CCDC144A: variants seen among roughly 807,000 people sequenced by gnomAD.
CCDC144A encodes the protein coiled-coil domain-containing protein 144A.
In CCDC144A, 41 loss-of-function variants were observed where a neutral mutation model predicts 143.8. The ratio of observed to expected loss-of-function variants is 0.29; its 90% CI spans 0.22 to 0.37. CCDC144A has a LOEUF of 0.37. Ranked by LOEUF, CCDC144A falls within the 10% of genes least tolerant of loss-of-function variation. The pLI, the probability that CCDC144A is intolerant of heterozygous loss-of-function variation, is 1.00. For missense variants in CCDC144A, 637 were observed against 1,488.8 expected, an observed-to-expected ratio of 0.43 and a Z score of 9.41; for synonymous variants, 242 against 517.9, an observed-to-expected ratio of 0.47 and a Z score of 7.23.
At chr17:16,755,403 A>C (rs533395404) in intron 12 of CCDC144A, among the ~76,000 whole-genome samples, 30 of 152,106 alleles carry the variant, frequency 2.0e-4, no homozygotes, top group African/African-American at 6.8e-4. Flanking sequence ...TACCTGCTCT[A>C]CCAGTGAGTC....
At chr17:16,773,296 A>G (rs1354939178) in intron 16 of CCDC144A, among the ~76,000 whole-genome samples, 1 of 151,918 alleles carries the variant, frequency 6.6e-6, no homozygotes, top group Non-Finnish European at 1.5e-5. Flanking sequence ...TAAAAAATAC[A>G]AAAGCTTGCC....
At chr17:16,667,431 G>A in the CCDC144A span, among the ~76,000 whole-genome samples, 1 of 151,944 alleles carries the variant, frequency 6.6e-6, no homozygotes, top group Non-Finnish European at 1.5e-5. Context: ...CGCGGCTGAA[G>A]GGACTGAGGG....
the CCDC144A span, chr17:16,684,214 G>A: frequency 4.3e-6 from 4 of 930,792 alleles, no homozygotes; most frequent in East Asian, 2.4e-5. Context: ...TGACCCAGGG[G>A]ATGGACATTC....
rs1911987632 is a variant in CCDC144A, at chr17:16,705,356, C to T, written c.621C>T (p.Asp207=). 2 of 768,280 alleles carry T rather than the reference C, an allele frequency of 2.6e-6. No homozygotes were observed. Among genetic ancestry groups the T allele is most frequent in the Non-Finnish European group, 4.5e-6 (2 of 446,012 alleles). 47.6% of individuals were successfully genotyped at this position (768,280 alleles called of 1,614,324 possible). Residue 207 remains aspartate (D), a synonymous_variant, in exon 3 of 17, where the codon GAC becomes GAT. Coordinates refer to ENST00000399273, the MANE Select transcript of CCDC144A (RefSeq NM_001382000.1). The part of the protein sequence containing the change: ...VLLSGNDTLH[D]LCQSQLPENK... ...TCTCAGGGAATGATACTCTCCATGA[C>T]CTGTGCCAATCACAGCTACCAGAAA...
intron 3 of CCDC144A, 166 bp downstream of exon 3, chr17:16,705,565 A>G (rs1401654032): frequency 3.2e-6 from 2 of 631,518 alleles, no homozygotes; most frequent in Non-Finnish European, 5.7e-6. Context: ...TTCTTCCTTT[A>G]ACCAAAGCAA....
chr17:16,681,478 C>T, the CCDC144A span, among the ~76,000 whole-genome samples: 3 of 152,070 alleles, frequency 2.0e-5, no homozygotes, highest in Non-Finnish European at 4.4e-5. Context: ...GGAGACAGAT[C>T]AGTGGAAAAG....
the CCDC144A span, among the ~76,000 whole-genome samples, chr17:16,682,454 G>A: frequency 6.6e-6 from 1 of 151,856 alleles, no homozygotes; most frequent in African/African-American, 2.4e-5. Flanking sequence ...GACGGTGCTG[G>A]GTGTAGTCTA....
At chr17:16,676,704 C>G in the CCDC144A span, among the ~76,000 whole-genome samples, 1 of 151,962 alleles carries the variant, frequency 6.6e-6, no homozygotes, top group South Asian at 2.1e-4. Flanking sequence ...TAAAAACACT[C>G]TGCACATTTC....
intron 2 of CCDC144A, among the ~76,000 whole-genome samples, chr17:16,701,806 G>A (rs1911751795): frequency 6.6e-6 from 1 of 151,000 alleles, no homozygotes; most frequent in Non-Finnish European, 1.5e-5. Flanking sequence ...GGGAAAAATG[G>A]CATCATGCAG....
chr17:16,682,884 T>TTTG, the CCDC144A span, among the ~76,000 whole-genome samples: 3 of 33,962 alleles, frequency 8.8e-5, no homozygotes, highest in Admixed American at 1.1e-3. Context: ...GGATTCTCTG[T>TTTG]TTTTTTTTTT....
chr17:16,694,398 T>G (rs1911278468), intron 2 of CCDC144A, among the ~76,000 whole-genome samples: 2 of 152,078 alleles, frequency 1.3e-5, no homozygotes, highest in Admixed American at 6.6e-5. Flanking sequence ...CTGGGTGACA[T>G]AGTGAGACCA....
chr17:16,675,990 C>T, the CCDC144A span, among the ~76,000 whole-genome samples: 12 of 151,812 alleles, frequency 7.9e-5, no homozygotes, highest in Non-Finnish European at 1.5e-4. Flanking sequence ...CCTCGTGATC[C>T]CCGCGCCTCG....
At chr17:16,728,961 T>C (rs1396234965) in intron 9 of CCDC144A, among the ~76,000 whole-genome samples, 1 of 152,232 alleles carries the variant, frequency 6.6e-6, no homozygotes, top group African/African-American at 2.4e-5. Context: ...GACATATATA[T>C]ACCACATATT....
intron 12 of CCDC144A, among the ~76,000 whole-genome samples, chr17:16,754,198 TTC>T (rs1257325374): frequency 6.6e-6 from 1 of 152,248 alleles, no homozygotes; most frequent in Non-Finnish European, 1.5e-5. Flanking sequence ...TACTTGAGTT[TTC>T]TCTTTTTTCT....
chr17:16,695,058 CA>C (rs1911319127), intron 2 of CCDC144A, among the ~76,000 whole-genome samples: 1 of 152,182 alleles, frequency 6.6e-6, no homozygotes, highest in Non-Finnish European at 1.5e-5. Context: ...ACATGTTAAT[CA>C]AAGAACTTCT....
chr17:16,713,994 A>G (rs1846278077), intron 6 of CCDC144A, among the ~76,000 whole-genome samples: 1 of 152,170 alleles, frequency 6.6e-6, no homozygotes, highest in African/African-American at 2.4e-5. Flanking sequence ...TTGTAAATCT[A>G]GACATTGTTT....
chr17:16,704,919 G>A (rs1327626268), intron 2 of CCDC144A, among the ~76,000 whole-genome samples: 2 of 152,076 alleles, frequency 1.3e-5, no homozygotes, highest in African/African-American at 2.4e-5. Flanking sequence ...ATAAAAGTAA[G>A]TAATAGTAAG....
chr17:16,742,918 AT>A (rs1339188072), intron 12 of CCDC144A, among the ~76,000 whole-genome samples: 1 of 151,922 alleles, frequency 6.6e-6, no homozygotes, highest in African/African-American at 2.4e-5. Context: ...ATTATTAACA[AT>A]TTTTACTGTT....
intron 12 of CCDC144A, chr17:16,746,474 A>G (rs993078452): frequency 1.6e-4 from 264 of 1,613,214 alleles, no homozygotes; most frequent in Non-Finnish European, 2.2e-4. Context: ...CTCCCCCAGC[A>G]GAGTCTCAGG....
Sources: allele counts gnomAD v4.1 joint callset (sites outside exome capture counted in the v4.1 genomes callset), GRCh38; gene constraint gnomAD v4.1.1; transcripts MANE v1.5; gene names NCBI Gene and HGNC (gene_info 2026-07-23, HGNC 2026-07-21).